PCDH15: variants seen among roughly 807,000 people sequenced by gnomAD.
PCDH15 encodes protocadherin related 15.
PCDH15 carries 129 observed loss-of-function variants against 178.5 expected under a neutral mutation model. That is an observed-to-expected ratio of 0.72 (90% CI 0.63 to 0.84). The LOEUF (loss-of-function observed/expected upper bound fraction) is 0.84, where lower values mean the gene tolerates loss of function less well. Among genes scored for constraint, PCDH15 ranks in the 40% least tolerant of loss-of-function variants. PCDH15 has a pLI of 0.00. For missense variants in PCDH15, 2,230 were observed against 2,099.9 expected (o/e 1.06, Z -1.21); for synonymous variants, 800 against 732.0 (o/e 1.09, Z -1.50).
chr10:55,335,945 T>C (rs1003678970), intron 2 of PCDH15, among the ~76,000 whole-genome samples: 2 of 151,984 alleles, frequency 1.3e-5, no homozygotes, highest in Non-Finnish European at 2.9e-5. Context: ...GTGGTACCCA[T>C]TTTTTGTTGA....
chr10:54,338,786 G>T (rs1207243175), intron 6 of PCDH15, among the ~76,000 whole-genome samples: 2 of 151,658 alleles, frequency 1.3e-5, no homozygotes, highest in African/African-American at 4.8e-5. Flanking sequence ...CTGCTACAAG[G>T]GACATGTCAT....
At chr10:54,795,077 T>C (rs910593007) in intron 1 of PCDH15, among the ~76,000 whole-genome samples, 6 of 151,836 alleles carry the variant, frequency 4.0e-5, no homozygotes, top group African/African-American at 1.4e-4. Context: ...ACATTCTTTA[T>C]GATGATATTT....
intron 2 of PCDH15, among the ~76,000 whole-genome samples, chr10:54,658,810 A>G (rs922919871): frequency 6.6e-6 from 1 of 152,182 alleles, no homozygotes; most frequent in East Asian, 1.9e-4. Context: ...TTGAATGAAA[A>G]TGGCCTAAAT....
At chr10:53,945,226 T>G (rs942738235) in intron 23 of PCDH15, among the ~76,000 whole-genome samples, 1 of 152,214 alleles carries the variant, frequency 6.6e-6, no homozygotes, top group Non-Finnish European at 1.5e-5. Flanking sequence ...TGCCTATGCA[T>G]TTCAGTATAT....
intron 25 of PCDH15, among the ~76,000 whole-genome samples, chr10:53,907,641 A>C (rs1043106954): frequency 2.6e-5 from 4 of 152,176 alleles, no homozygotes. Context: ...TTTGGCTAGA[A>C]CTTTTGGCTT....
intron 29 of PCDH15, among the ~76,000 whole-genome samples, chr10:53,832,098 A>T (rs2077049776): frequency 6.6e-6 from 1 of 152,042 alleles, no homozygotes; most frequent in South Asian, 2.1e-4. Flanking sequence ...TTCAAACCAA[A>T]AGAATGTTTT....
intron 9 of PCDH15, among the ~76,000 whole-genome samples, chr10:54,232,646 C>A (rs1006062163): frequency 6.6e-6 from 1 of 152,092 alleles, no homozygotes; most frequent in Non-Finnish European, 1.5e-5. Context: ...CCATTGCATC[C>A]ATTTGTCTAG....
At chr10:55,088,542 A>G (rs80265022) in intron 2 of PCDH15, among the ~76,000 whole-genome samples, 6,159 of 151,996 alleles carry the variant, frequency 0.041, 300 homozygotes, top group East Asian at 0.14. Flanking sequence ...CTATAGTGCT[A>G]GGATTACAGG....
At chr10:54,189,523 G>C (rs2048772341) in intron 11 of PCDH15, 1 of 471,190 alleles carries the variant, frequency 2.1e-6, no homozygotes, top group African/African-American at 2.0e-5. Flanking sequence ...TTAGCATTGT[G>C]ACCCACATAT....
intron 1 of PCDH15, among the ~76,000 whole-genome samples, chr10:55,243,917 T>C (rs1215264742): frequency 6.6e-6 from 1 of 152,174 alleles, no homozygotes; most frequent in Admixed American, 6.5e-5. Flanking sequence ...GCTTGTCATT[T>C]GACTCTGTAA....
intron 2 of PCDH15, among the ~76,000 whole-genome samples, chr10:55,099,926 T>A (rs6481139): frequency 0.32 from 48,901 of 151,986 alleles, 8,369 homozygotes; most frequent in South Asian, 0.44. Flanking sequence ...TGAATCATTT[T>A]CTTCAAATAT....
intron 2 of PCDH15, among the ~76,000 whole-genome samples, chr10:55,341,790 TATATATATATA>T (rs1565032125): frequency 9.8e-4 from 12 of 12,266 alleles, no homozygotes; most frequent in East Asian, 5.8e-3. Context: ...TATATATATA[TATATATATATA>T]TATATTTTTT....
At chr10:55,464,500 A>AC (rs1455092735) in intron 2 of PCDH15, among the ~76,000 whole-genome samples, 1 of 151,856 alleles carries the variant, frequency 6.6e-6, no homozygotes, top group Non-Finnish European at 1.5e-5. Context: ...AGGTTTTAGC[A>AC]CTCACATTGC....
intron 21 of PCDH15, among the ~76,000 whole-genome samples, chr10:53,974,106 C>T (rs1381775460): frequency 1.3e-5 from 2 of 152,166 alleles, no homozygotes; most frequent in Non-Finnish European, 1.5e-5. Flanking sequence ...CAACCTCCGC[C>T]TCCCAGGCTC....
intron 3 of PCDH15, among the ~76,000 whole-genome samples, chr10:54,835,013 G>T (rs1953290681): frequency 6.6e-6 from 1 of 152,106 alleles, no homozygotes; most frequent in African/African-American, 2.4e-5. Context: ...CATTGTTCAT[G>T]CCCTGTGGTT....
At chr10:54,193,263 A>G (rs2049214703) in intron 11 of PCDH15, among the ~76,000 whole-genome samples, 1 of 152,204 alleles carries the variant, frequency 6.6e-6, no homozygotes, top group Non-Finnish European at 1.5e-5. Flanking sequence ...CAATCCAGAC[A>G]AGTACGGGGT....
intron 13 of PCDH15, among the ~76,000 whole-genome samples, chr10:54,168,111 T>G (rs1419720251): frequency 2.0e-4 from 30 of 152,010 alleles, no homozygotes; most frequent in African/African-American, 6.3e-4. Flanking sequence ...CCTAAATGCC[T>G]TATTTTCTTC....
chr10:54,181,157 T>A (rs1256758156), intron 13 of PCDH15, among the ~76,000 whole-genome samples: 1 of 152,150 alleles, frequency 6.6e-6, no homozygotes, highest in Non-Finnish European at 1.5e-5. Context: ...ACAATAATTG[T>A]CATTCATTTA....
chr10:54,756,531 A>G (rs1947149680), intron 1 of PCDH15, among the ~76,000 whole-genome samples: 1 of 152,196 alleles, frequency 6.6e-6, no homozygotes, highest in African/African-American at 2.4e-5. Context: ...TCTGTACCCT[A>G]ATGAGTAGAA....
Sources: allele counts gnomAD v4.1 joint callset (sites outside exome capture counted in the v4.1 genomes callset), GRCh38; gene constraint gnomAD v4.1.1; transcripts MANE v1.5; gene names NCBI Gene and HGNC (gene_info 2026-07-23, HGNC 2026-07-21).